TENM3: variants seen among roughly 807,000 people sequenced by gnomAD.
TENM3 encodes the protein teneurin-3.
TENM3 carries 63 observed loss-of-function variants against 255.1 expected under a neutral mutation model. That is an observed-to-expected ratio of 0.25 (90% CI 0.20 to 0.30). TENM3 has a LOEUF of 0.30. Ranked by LOEUF, TENM3 falls within the 10% of genes least tolerant of loss-of-function variation. The probability of loss-of-function intolerance (pLI) is 1.00; values close to 1 mark genes in which losing one functional copy is unlikely to be tolerated. For synonymous variants in TENM3, 1,306 were observed against 1,322.3 expected (o/e 0.99, Z 0.27); for missense variants, 2,929 against 3,461.1 (o/e 0.85, Z 3.86).
At chr4:182,238,986 A>G (rs902912873), upstream of TENM3, among the ~76,000 whole-genome samples, 5 of 151,898 alleles carry the variant, frequency 3.3e-5, no homozygotes, top group Non-Finnish European at 7.4e-5. Flanking sequence ...TTCTTTATAT[A>G]AAAAATAAAA....
intron 1 of TENM3, among the ~76,000 whole-genome samples, chr4:182,210,537 G>A (rs1041908266): frequency 6.7e-6 from 1 of 149,354 alleles, no homozygotes; most frequent in African/African-American, 2.5e-5. Flanking sequence ...GTCTCTTGGG[G>A]TTCATCTGAT....
chr4:181,931,982 G>A, the TENM3 span, among the ~76,000 whole-genome samples: 1 of 152,078 alleles, frequency 6.6e-6, no homozygotes, highest in Non-Finnish European at 1.5e-5. Context: ...AACTGAAACT[G>A]GACCCCTTCC....
At chr4:182,708,271 A>C (rs371792486) in intron 12 of TENM3, among the ~76,000 whole-genome samples, 3 of 152,136 alleles carry the variant, frequency 2.0e-5, no homozygotes, top group Non-Finnish European at 4.4e-5. Context: ...GCTGGCGGCA[A>C]AGTGCTTCGT....
intron 11 of TENM3, among the ~76,000 whole-genome samples, chr4:182,684,486 G>A (rs372363171): frequency 6.1e-5 from 9 of 148,668 alleles, no homozygotes; most frequent in East Asian, 6.0e-4. Context: ...GCAATATGAC[G>A]TTGGGCAATT....
intron 3 of TENM3, among the ~76,000 whole-genome samples, chr4:182,572,730 G>A (rs1376860002): frequency 6.6e-6 from 1 of 152,202 alleles, no homozygotes; most frequent in Non-Finnish European, 1.5e-5. Flanking sequence ...TTAAAAGAGA[G>A]TAGAAATAGT....
chr4:181,619,095 G>A, the TENM3 span, among the ~76,000 whole-genome samples: 23,166 of 152,126 alleles, frequency 0.15, 2,447 homozygotes, highest in Non-Finnish European at 0.23. Flanking sequence ...GAGTGTAGTA[G>A]GGATGCGCAT....
the TENM3 span, among the ~76,000 whole-genome samples, chr4:182,036,548 C>A: frequency 6.6e-6 from 1 of 152,148 alleles, no homozygotes; most frequent in Admixed American, 6.5e-5. Flanking sequence ...GCTTTATATC[C>A]CCCAAACCCA....
chr4:182,069,146 C>T, the TENM3 span, among the ~76,000 whole-genome samples: 1 of 152,008 alleles, frequency 6.6e-6, no homozygotes, highest in Admixed American at 6.6e-5. Context: ...GTAATAGACC[C>T]AGTAATAAGC....
chr4:182,071,758 A>T, the TENM3 span, among the ~76,000 whole-genome samples: 3 of 152,204 alleles, frequency 2.0e-5, no homozygotes, highest in Non-Finnish European at 4.4e-5. Flanking sequence ...CTATTTTGAA[A>T]TGTACAATAG....
the TENM3 span, among the ~76,000 whole-genome samples, chr4:181,931,472 CT>C: frequency 6.6e-6 from 1 of 152,226 alleles, no homozygotes; most frequent in Non-Finnish European, 1.5e-5. Context: ...TGTGAAGCAC[CT>C]CTTCAAGGGG....
At chr4:182,773,705 A>C in intron 23 of TENM3, 58 bp downstream of exon 23, 1 of 1,491,424 alleles carries the variant, frequency 6.7e-7, no homozygotes, top group Admixed American at 1.9e-5. Flanking sequence ...AGAATGCGGC[A>C]ACACCCACTT....
chr4:182,493,163 G>T (rs2151598331), intron 3 of TENM3, among the ~76,000 whole-genome samples: 1 of 152,144 alleles, frequency 6.6e-6, no homozygotes, highest in South Asian at 2.1e-4. Context: ...GCCTTCTTTT[G>T]TGTGAGCTTT....
the TENM3 span, among the ~76,000 whole-genome samples, chr4:181,539,864 G>C: frequency 2.1e-4 from 32 of 152,240 alleles, no homozygotes; most frequent in African/African-American, 7.5e-4. Flanking sequence ...TTAAATGATA[G>C]TTCATGGTAG....
At chr4:181,518,670 G>T in the TENM3 span, among the ~76,000 whole-genome samples, 12 of 152,156 alleles carry the variant, frequency 7.9e-5, no homozygotes, top group South Asian at 1.7e-3. Flanking sequence ...CTCGTGATCC[G>T]CCCGCCTCAG....
At chr4:181,884,976 T>A in the TENM3 span, among the ~76,000 whole-genome samples, 1 of 152,322 alleles carries the variant, frequency 6.6e-6, no homozygotes, top group African/African-American at 2.4e-5. Context: ...TTTTAAATCT[T>A]ATTTTTGTTT....
the TENM3 span, among the ~76,000 whole-genome samples, chr4:181,551,836 A>C: frequency 1.7e-3 from 35 of 20,404 alleles, no homozygotes; most frequent in African/African-American, 5.8e-3. Flanking sequence ...ATATATATGT[A>C]TATGTGTGTG....
chr4:182,137,241 G>C, the TENM3 span, among the ~76,000 whole-genome samples: 1 of 151,996 alleles, frequency 6.6e-6, no homozygotes, highest in African/African-American at 2.4e-5. Context: ...TTGGGATTTT[G>C]TGTTAAAAAC....
chr4:181,644,102 G>T, the TENM3 span, among the ~76,000 whole-genome samples: 1 of 151,502 alleles, frequency 6.6e-6, no homozygotes, highest in Non-Finnish European at 1.5e-5. Context: ...AAAGTCAAGG[G>T]TGAGCAAGGA....
At chr4:181,702,598 G>T in the TENM3 span, among the ~76,000 whole-genome samples, 1 of 152,018 alleles carries the variant, frequency 6.6e-6, no homozygotes, top group Non-Finnish European at 1.5e-5. Flanking sequence ...AATATATTTT[G>T]CAAAGAGCTT....
Sources: allele counts gnomAD v4.1 joint callset (sites outside exome capture counted in the v4.1 genomes callset), GRCh38; gene constraint gnomAD v4.1.1; transcripts MANE v1.5; gene names NCBI Gene and HGNC (gene_info 2026-07-23, HGNC 2026-07-21).